Variants in NBEAL1 observed in about 807,000 individuals in gnomAD.
The protein encoded by NBEAL1 is neurobeachin-like protein 1.
In NBEAL1, 273 loss-of-function variants were observed where a neutral mutation model predicts 351.3. The ratio of observed to expected loss-of-function variants is 0.78; its 90% CI spans 0.70 to 0.86. The LOEUF (loss-of-function observed/expected upper bound fraction) is 0.86, where lower values mean the gene tolerates loss of function less well. NBEAL1 is among the 40% of genes least tolerant of loss of function. The pLI, the probability that NBEAL1 is intolerant of heterozygous loss-of-function variation, is 0.00. For synonymous variants in NBEAL1, 1,050 were observed against 1,086.4 expected (o/e 0.97, Z 0.66); for missense variants, 2,961 against 3,201.3 (o/e 0.92, Z 1.81).
At chr2:203,035,497 ATTTTC>A (rs1245848143) in intron 2 of NBEAL1, among the ~76,000 whole-genome samples, 4 of 149,376 alleles carry the variant, frequency 2.7e-5, no homozygotes, top group African/African-American at 7.3e-5. Context: ...TATTTTGCTT[ATTTTC>A]TTATATTGGA....
chr2:203,130,201 G>C, intron 24 of NBEAL1, 117 bp from the exon 25 acceptor site: 2 of 970,674 alleles, frequency 2.1e-6, no homozygotes, highest in South Asian at 1.9e-5. Flanking sequence ...CAGATATAGT[G>C]AAGTTAAGAT....
intron 35 of NBEAL1, among the ~76,000 whole-genome samples, chr2:203,152,570 A>G (rs911814692): frequency 6.6e-6 from 1 of 151,860 alleles, no homozygotes; most frequent in African/African-American, 2.4e-5. Flanking sequence ...AGCCTGGGCA[A>G]CAAGAGCAAA....
intron 38 of NBEAL1, among the ~76,000 whole-genome samples, chr2:203,169,055 A>G (rs886557504): frequency 6.6e-6 from 1 of 152,150 alleles, no homozygotes; most frequent in Non-Finnish European, 1.5e-5. Context: ...CAAGATGATT[A>G]GTAAATTGCA....
At chr2:203,214,503 G>T (rs1222715353) in intron 55 of NBEAL1, among the ~76,000 whole-genome samples, 1 of 152,148 alleles carries the variant, frequency 6.6e-6, no homozygotes, top group African/African-American at 2.4e-5. Context: ...GGCTGGGCAT[G>T]GTGGCTCACG....
Position 203,207,640 on chromosome 2 carries a change from C to T in NBEAL1, c.7507-997C>T, listed in dbSNP as rs377280973. On this transcript the variant is annotated intron_variant, in intron 51 of 55. Transcript: ENST00000683969. The stretch of plus-strand genomic sequence containing the variant: ...CCAACCCTGTGCTCTCTGAAACATG[C>T]GCTGTGTCCACTCAGGGTTAAATGG... Among the ~76,000 whole-genome samples the T allele has an allele frequency of 5.9e-3, 898 of 152,066 alleles. 13 individuals are homozygous for T. The highest frequency in any genetic ancestry group is 0.02 in the African/African-American group (837 of 41,500).
chr2:203,150,305 A>T (rs2063615791), intron 34 of NBEAL1, among the ~76,000 whole-genome samples: 1 of 152,126 alleles, frequency 6.6e-6, no homozygotes, highest in South Asian at 2.1e-4. Context: ...CCTAATGATT[A>T]ATGATGTTTA....
intron 2 of NBEAL1, among the ~76,000 whole-genome samples, chr2:203,030,823 C>T (rs764948589): frequency 3.3e-5 from 5 of 152,002 alleles, no homozygotes; most frequent in African/African-American, 9.7e-5. Flanking sequence ...GACCAGACTG[C>T]GCAACATAGT....
At chr2:203,067,041 A>G (rs1363768837) in intron 6 of NBEAL1, among the ~76,000 whole-genome samples, 2 of 128,910 alleles carry the variant, frequency 1.6e-5, no homozygotes, top group African/African-American at 5.9e-5. Flanking sequence ...CACCTCCCAG[A>G]AGGGGCGGCC....
intron 2 of NBEAL1, among the ~76,000 whole-genome samples, chr2:203,026,657 G>A (rs1177231222): frequency 6.6e-6 from 1 of 152,002 alleles, no homozygotes; most frequent in Non-Finnish European, 1.5e-5. Flanking sequence ...TGGAACTACT[G>A]GTGTGCACCA....
intron 18 of NBEAL1, among the ~76,000 whole-genome samples, chr2:203,116,814 G>A (rs371087141): frequency 0.034 from 5,179 of 150,848 alleles, 295 homozygotes; most frequent in African/African-American, 0.12. Context: ...AAAAGGGGGG[G>A]GCCCAGCACA....
chr2:203,099,414 T>C (rs7574314), intron 11 of NBEAL1, among the ~76,000 whole-genome samples: 62,354 of 151,962 alleles, frequency 0.41, 13,193 homozygotes, highest in East Asian at 0.63. Flanking sequence ...AATAAGTGAA[T>C]GTTGCCTTAT....
intron 24 of NBEAL1, among the ~76,000 whole-genome samples, chr2:203,129,034 C>T (rs958260607): frequency 2.0e-5 from 3 of 152,232 alleles, no homozygotes; most frequent in East Asian, 3.9e-4. Flanking sequence ...TTTGTTTGGC[C>T]CCTAACCAAC....
chr2:203,097,501 C>T, intron 10 of NBEAL1, 46 bp from the exon 11 acceptor site: 1 of 814,422 alleles, frequency 1.2e-6, no homozygotes, highest in Non-Finnish European at 1.5e-6. Context: ...TTATAGGTAA[C>T]AATTTAATGT....
intron 43 of NBEAL1, 24 bp from the exon 44 acceptor site, chr2:203,183,255 A>G: frequency 8.2e-7 from 1 of 1,222,466 alleles, no homozygotes. Context: ...ATGATTTGAT[A>G]CATTTTCTTT....
intron 12 of NBEAL1, among the ~76,000 whole-genome samples, chr2:203,101,637 C>T (rs2062324112): frequency 6.6e-6 from 1 of 152,098 alleles, no homozygotes; most frequent in African/African-American, 2.4e-5. Flanking sequence ...GTTCTCTCAC[C>T]CAGGTTAGAG....
rs565554270 is a variant in NBEAL1, at chr2:203,067,060, G to A, written c.516-1333G>A. Among the ~76,000 whole-genome samples the A allele has an allele frequency of 1.5e-4, 16 of 108,804 alleles. No homozygotes were observed. The East Asian group carries it at 4.6e-3, about 31-fold the overall frequency. 71.4% of individuals were successfully genotyped at this position (108,804 alleles called of 152,430 possible). ...TCCCAGAAGGGGCGGCCGGGCAGAG[G>A]CACCCACTTCCCAGACAGGGCAGCC... is the stretch of plus-strand genomic sequence containing the variant. On this transcript the variant is annotated intron_variant, in intron 6 of 55. Coordinates refer to ENST00000683969, the MANE Select transcript of NBEAL1 (RefSeq NM_001378026.1).
chr2:203,133,402 T>C (rs909788394), intron 27 of NBEAL1, among the ~76,000 whole-genome samples: 4 of 152,084 alleles, frequency 2.6e-5, no homozygotes, highest in Non-Finnish European at 4.4e-5. Flanking sequence ...TACCAGAGAA[T>C]AATTTTCTTA....
At chr2:203,188,660 A>G in intron 45 of NBEAL1, 71 bp downstream of exon 45, 3 of 804,222 alleles carry the variant, frequency 3.7e-6, no homozygotes, top group Admixed American at 2.6e-5. Flanking sequence ...GTTTACAGTT[A>G]TTTGAAGCCT....
Position 203,144,699 on chromosome 2 carries a change from G to A in NBEAL1, c.4948G>A (p.Val1650Ile). The change falls in exon 32 of 56, where the codon GTT becomes ATT. Residue 1650 changes from valine to isoleucine, a missense_variant. By Grantham distance (29) the Val-to-Ile change is conservative. Transcript: ENST00000683969. ...TTACATTTTAGGGAAGCTGGAACAT[G>A]TTCTAAGTCAATCAATCAAGGAACA... ...ACYILGKLEHVLSQSIKEQTE... is the reference protein window; with the variant it reads ...ACYILGKLEHILSQSIKEQTE... 1.2e-6 allele frequency: 2 copies of A among 1,614,136 alleles called. No individual in the cohort carries two copies. Among genetic ancestry groups the A allele is most frequent in the South Asian group, 2.2e-5 (2 of 91,084 alleles).
Sources: gnomAD v4.1 joint callset for allele counts (sites outside exome capture counted in the v4.1 genomes callset) on GRCh38, gnomAD v4.1.1 for gene constraint, MANE v1.5 for transcripts, NCBI Gene and HGNC (gene_info 2026-07-23, HGNC 2026-07-21) for gene names.